The following CTNNB1 variants were observed in gnomAD, a reference collection of about 807,000 sequenced individuals.
CTNNB1 encodes catenin beta-1.
In CTNNB1, 6 loss-of-function variants were observed where a neutral mutation model predicts 82.5. The observed-to-expected ratio is 0.07, with a 90% CI of 0.04 to 0.14. The LOEUF is 0.14. Ranked by LOEUF, CTNNB1 falls within the 10% of genes least tolerant of loss-of-function variation. CTNNB1 has a pLI of 1.00. For synonymous variants in CTNNB1, 312 were observed against 329.7 expected (o/e 0.95, Z 0.58); for missense variants, 529 against 980.4 (o/e 0.54, Z 6.15).
chr3:41,215,104 G>A (rs535020352), intron 1 of CTNNB1, among the ~76,000 whole-genome samples: 2 of 151,658 alleles, frequency 1.3e-5, no homozygotes, highest in Admixed American at 6.6e-5. Flanking sequence ...TTGGCTGGGC[G>A]CAGTGGCTCA....
intron 1 of CTNNB1, among the ~76,000 whole-genome samples, chr3:41,218,730 T>A (rs2077970855): frequency 6.6e-6 from 1 of 152,192 alleles, no homozygotes; most frequent in South Asian, 2.1e-4. Flanking sequence ...TTAAAAATAG[T>A]ATTTTTAGTA....
At chr3:41,203,189 G>C (rs2077574145) in intron 1 of CTNNB1, among the ~76,000 whole-genome samples, 1 of 151,196 alleles carries the variant, frequency 6.6e-6, no homozygotes, top group Non-Finnish European at 1.5e-5. Context: ...CCCTCCAGTG[G>C]ATATAGTATA....
At chr3:41,226,980 C>T (rs1000877506) in intron 6 of CTNNB1, among the ~76,000 whole-genome samples, 1 of 152,138 alleles carries the variant, frequency 6.6e-6, no homozygotes, top group Admixed American at 6.5e-5. Context: ...CAAACTGATA[C>T]ATTGTTTGGA....
chr3:41,231,102 C>T (rs956476604), intron 7 of CTNNB1, among the ~76,000 whole-genome samples: 9 of 151,862 alleles, frequency 5.9e-5, no homozygotes, highest in South Asian at 2.1e-4. Context: ...CTGAGGTGGG[C>T]GGATCATGAG....
chr3:41,201,114 A>T (rs552520244), intron 1 of CTNNB1, among the ~76,000 whole-genome samples: 1 of 152,216 alleles, frequency 6.6e-6, no homozygotes, highest in African/African-American at 2.4e-5. Flanking sequence ...TTAGGAAGCC[A>T]TTTCAGTATT....
chr3:41,222,946 C>G (rs2078083875), intron 1 of CTNNB1, among the ~76,000 whole-genome samples: 1 of 152,108 alleles, frequency 6.6e-6, no homozygotes, highest in Non-Finnish European at 1.5e-5. Flanking sequence ...AAGATAGAAA[C>G]TAAGGCCAGG....
rs751551837 is a variant in CTNNB1 at position 41,236,758 on chromosome 3, A to G, written c.2076+49A>G. 19 of 1,612,372 alleles carry G rather than the reference A, an allele frequency of 1.2e-5. No individual in the cohort carries two copies. The East Asian group carries it at 2.9e-4, about 25-fold the overall frequency. On this transcript the variant is annotated intron_variant, in intron 13 of 14. Transcript: ENST00000349496. The stretch of plus-strand genomic sequence containing the variant: ...TATCTGGTAGTTTCCTAGAGCAGGT[A>G]TGGCAGCTTGTTCTTTCCTCTCAAA...
At chr3:41,218,879 T>A (rs2077975554) in intron 1 of CTNNB1, among the ~76,000 whole-genome samples, 1 of 152,184 alleles carries the variant, frequency 6.6e-6, no homozygotes. Flanking sequence ...TATTTAATAC[T>A]TTTTTCCATC....
At chr3:41,216,739 A>G (rs138136788) in intron 1 of CTNNB1, among the ~76,000 whole-genome samples, 3 of 152,222 alleles carry the variant, frequency 2.0e-5, no homozygotes, top group African/African-American at 7.2e-5. Flanking sequence ...TCTCGGACAG[A>G]TATTTCTAAT....
chr3:41,231,842 T>C (rs543951230), intron 7 of CTNNB1, among the ~76,000 whole-genome samples: 17 of 152,278 alleles, frequency 1.1e-4, no homozygotes, highest in Admixed American at 4.6e-4. Context: ...CCTGAAAGAA[T>C]CATAGAATGT....
intron 7 of CTNNB1, among the ~76,000 whole-genome samples, chr3:41,231,351 T>G (rs142133544): frequency 1.5e-3 from 218 of 147,816 alleles, no homozygotes; most frequent in African/African-American, 5.1e-3. Flanking sequence ...GGGAAAGAGA[T>G]TGTGGAGATC....
At chr3:41,227,186 A>G in intron 6 of CTNNB1, 22 bp from the exon 7 acceptor site, 1 of 1,374,700 alleles carries the variant, frequency 7.3e-7, no homozygotes, top group Non-Finnish European at 1.0e-6. Context: ...GACTAACAAG[A>G]TATATATATA....
rs2078374189 is a variant in CTNNB1 at position 41,234,044 on chromosome 3, T to A, written c.1525-95T>A. On this transcript the variant is annotated intron_variant, in intron 9 of 14. Coordinates refer to ENST00000349496, the MANE Select transcript of CTNNB1 (RefSeq NM_001904.4). ...AAATGTTTGTGTAGTCAGAACTACTTTTAGTTGATACCAATAGATTTAGTG... is the reference window on the plus strand; with the variant it reads ...AAATGTTTGTGTAGTCAGAACTACTATTAGTTGATACCAATAGATTTAGTG... The A allele has an allele frequency of 3.2e-6, 5 of 1,546,922 alleles. No individual in the cohort carries two copies. The South Asian group carries it at 4.5e-5, about 14-fold the overall frequency.
chr3:41,212,907 G>A (rs539891687), intron 1 of CTNNB1, among the ~76,000 whole-genome samples: 1 of 152,072 alleles, frequency 6.6e-6, no homozygotes, highest in Admixed American at 6.5e-5. Context: ...ACTACTACTT[G>A]TCCCTAGTGC....
chr3:41,233,200 G>T, intron 7 of CTNNB1, 141 bp from the exon 8 acceptor site: 1 of 755,144 alleles, frequency 1.3e-6, no homozygotes, highest in Admixed American at 2.2e-5. Context: ...TCTAGAAAAT[G>T]AGAGGAAATC....
intron 2 of CTNNB1, 131 bp from the exon 3 acceptor site, chr3:41,224,395 T>C (rs1559467437): frequency 9.9e-6 from 10 of 1,006,438 alleles, no homozygotes; most frequent in Non-Finnish European, 1.5e-5. Flanking sequence ...ATCATTCTGC[T>C]TTTCTTGGCT....
intron 1 of CTNNB1, chr3:41,200,495 C>G (rs964730392): frequency 6.6e-6 from 1 of 152,198 alleles, no homozygotes; most frequent in Admixed American, 6.5e-5. Flanking sequence ...CTTACTGTTT[C>G]TTACCAAGTG....
chr3:41,235,553 G>A (rs1180872965), intron 10 of CTNNB1, 171 bp from the exon 11 acceptor site: 7 of 785,148 alleles, frequency 8.9e-6, no homozygotes, highest in African/African-American at 3.4e-5. Flanking sequence ...GTGCTGCCAG[G>A]AGGCCTCTTT....
At chr3:41,224,441 C>T in intron 2 of CTNNB1, 85 bp from the exon 3 acceptor site, 1 of 1,290,636 alleles carries the variant, frequency 7.7e-7, no homozygotes, top group East Asian at 2.5e-5. Context: ...AAAAATATTT[C>T]AATGGGTCAT....
Sources: allele counts gnomAD v4.1 joint callset (sites outside exome capture counted in the v4.1 genomes callset), GRCh38; gene constraint gnomAD v4.1.1; transcripts MANE v1.5; gene names NCBI Gene and HGNC (gene_info 2026-07-23, HGNC 2026-07-21).